The following SMIM36 variants were observed in gnomAD, a reference collection of about 807,000 sequenced individuals.
SMIM36 encodes the protein small integral membrane protein 36.
intron 4 of SMIM36, among the ~76,000 whole-genome samples, chr17:55,466,277 CAAAAAAAAAA>C (rs796506078): frequency 1.1e-4 from 5 of 46,880 alleles, no homozygotes; most frequent in African/African-American, 3.7e-4. Flanking sequence ...GACTCCGTCT[CAAAAAAAAAA>C]AAAAAAAAAA....
intron 1 of SMIM36, among the ~76,000 whole-genome samples, chr17:55,501,474 A>T (rs1354135617): frequency 7.2e-5 from 7 of 96,884 alleles, no homozygotes; most frequent in Non-Finnish European, 1.1e-4. Flanking sequence ...ATTATATTTT[A>T]TAATTATTAT....
At chr17:55,489,911 C>T (rs1243017547) in intron 1 of SMIM36, among the ~76,000 whole-genome samples, 6 of 151,930 alleles carry the variant, frequency 3.9e-5, no homozygotes, top group South Asian at 2.1e-4. Flanking sequence ...TGCAGTGGCA[C>T]AATCTCGGCT....
upstream of SMIM36, among the ~76,000 whole-genome samples, chr17:55,515,620 T>C (rs951004155): frequency 6.6e-6 from 1 of 152,052 alleles, no homozygotes; most frequent in Non-Finnish European, 1.5e-5. Flanking sequence ...TATGGAAAGA[T>C]AGAGAGAGAT....
At chr17:55,462,193 T>G (rs2143241878) in intron 4 of SMIM36, among the ~76,000 whole-genome samples, 1 of 151,596 alleles carries the variant, frequency 6.6e-6, no homozygotes, top group African/African-American at 2.4e-5. Context: ...AAGTATGAAG[T>G]TAATATAAGT....
intron 1 of SMIM36, among the ~76,000 whole-genome samples, chr17:55,491,247 C>CAAA (rs1206937453): frequency 1.2e-3 from 61 of 52,688 alleles, no homozygotes; most frequent in African/African-American, 2.7e-3. Context: ...GTCTCCTCAC[C>CAAA]AAAAAAAAAA....
the SMIM36 span, among the ~76,000 whole-genome samples, chr17:55,520,073 T>TG: frequency 1.3e-5 from 2 of 152,226 alleles, no homozygotes; most frequent in Non-Finnish European, 2.9e-5. Context: ...TTCTGGTCCT[T>TG]GCTGTTTTCA....
the SMIM36 span, among the ~76,000 whole-genome samples, chr17:55,517,136 T>C: frequency 2.0e-5 from 3 of 152,138 alleles, no homozygotes; most frequent in African/African-American, 7.2e-5. Flanking sequence ...TAGAGAACAA[T>C]GTCCAAGAAA....
chr17:55,460,415 T>A (rs1411265239), intron 4 of SMIM36, among the ~76,000 whole-genome samples: 1 of 140,814 alleles, frequency 7.1e-6, no homozygotes, highest in African/African-American at 2.7e-5. Context: ...GCGACAAGAG[T>A]GAGACTCTGT....
At chr17:55,515,124 C>A (rs1598461229), upstream of SMIM36, among the ~76,000 whole-genome samples, 1 of 104,290 alleles carries the variant, frequency 9.6e-6, no homozygotes, top group African/African-American at 3.5e-5. Flanking sequence ...TGCGCTGGAA[C>A]TATTGACTAG....
the SMIM36 span, among the ~76,000 whole-genome samples, chr17:55,523,671 A>G: frequency 2.6e-5 from 4 of 152,160 alleles, no homozygotes; most frequent in African/African-American, 4.8e-5. Context: ...TGAGAAAAAT[A>G]GGTTTCTGCT....
chr17:55,473,785 C>T (rs1383897043), intron 3 of SMIM36, among the ~76,000 whole-genome samples: 1 of 152,130 alleles, frequency 6.6e-6, no homozygotes, highest in Non-Finnish European at 1.5e-5. Context: ...CAACCTTGTT[C>T]CAGATAAGGC....
intron 1 of SMIM36, among the ~76,000 whole-genome samples, chr17:55,497,226 A>T (rs1258290878): frequency 6.6e-6 from 1 of 152,018 alleles, no homozygotes; most frequent in South Asian, 2.1e-4. Flanking sequence ...TTTTCTACTA[A>T]GGATTTTTTC....
intron 1 of SMIM36, among the ~76,000 whole-genome samples, chr17:55,484,432 G>A (rs528182148): frequency 3.9e-4 from 59 of 152,294 alleles, no homozygotes; most frequent in Non-Finnish European, 7.1e-4. Context: ...GAATGAAACC[G>A]TGAGATGAAA....
At chr17:55,459,341 C>A (rs868392682) in intron 4 of SMIM36, among the ~76,000 whole-genome samples, 5 of 152,186 alleles carry the variant, frequency 3.3e-5, no homozygotes, top group African/African-American at 2.4e-5. Flanking sequence ...TTTTCTGCAG[C>A]TAGGTCCTAG....
upstream of SMIM36, among the ~76,000 whole-genome samples, chr17:55,512,707 C>A (rs1333909493): frequency 1.3e-5 from 2 of 152,260 alleles, no homozygotes; most frequent in African/African-American, 4.8e-5. Flanking sequence ...AAATTCTTAA[C>A]TTTTCAACTT....
rs1160951494 is a variant in SMIM36, at chr17:55,500,885, ATATAT to A, written c.*174+9989_*174+9993del. On this transcript the variant is annotated intron_variant, in intron 1 of 4. Coordinates refer to ENST00000636752, the Ensembl canonical transcript of SMIM36. ...ATTATAATATATTATATTTTATAAT[ATATAT>A]TATAATATATTATATTATAATATAT... Among the ~76,000 whole-genome samples, 2 of 22,088 alleles carry A rather than the reference ATATAT, an allele frequency of 9.1e-5. 1 individual carries two copies. The highest frequency in any genetic ancestry group is 1.1e-4 in the Non-Finnish European group (2 of 17,658). 14.5% of individuals were successfully genotyped at this position (22,088 alleles called of 152,430 possible). A position where few individuals can be genotyped will look rare whatever the true frequency, so the allele number is the denominator to read the frequency against.
At chr17:55,525,625 A>G in the SMIM36 span, among the ~76,000 whole-genome samples, 4 of 152,316 alleles carry the variant, frequency 2.6e-5, no homozygotes, top group South Asian at 8.3e-4. Context: ...TCTACTATAT[A>G]TGATACTTTG....
At position 55,453,538 on chromosome 17, in the gene SMIM36, T is replaced by C. The variant is rs146070657; in HGVS notation, c.*532-3240A>G. On this transcript the variant is annotated intron_variant, in intron 4 of 4. Transcript: ENST00000636752. ...ATTTCCAGGTTGTTTTTAAAAATAA[T>C]AGTGTATTTTTAAACTTTTTATTCA... Among the ~76,000 whole-genome samples the C allele has an allele frequency of 5.9e-5, 9 of 152,312 alleles. No individual in the cohort carries two copies. The East Asian group carries it at 1.7e-3, about 29-fold the overall frequency.
chr17:55,511,420 G>C, exon 1 of SMIM36: 1 of 397,236 alleles, frequency 2.5e-6, no homozygotes, highest in Non-Finnish European at 4.4e-6. Context: ...TTAGAGCATC[G>C]GAATAGCTAC....
Sources: gnomAD v4.1 joint callset for allele counts (sites outside exome capture counted in the v4.1 genomes callset) on GRCh38, gnomAD v4.1.1 for gene constraint, MANE v1.5 for transcripts, NCBI Gene and HGNC (gene_info 2026-07-23, HGNC 2026-07-21) for gene names.